The following TBC1D22A variants were observed in gnomAD, a reference collection of about 807,000 sequenced individuals.
TBC1D22A encodes TBC1 domain family member 22A.
Under a neutral mutation model 60.2 loss-of-function variants are expected in TBC1D22A, and 38 were observed. That is an observed-to-expected ratio of 0.63 (90% CI 0.49 to 0.83). TBC1D22A has a LOEUF of 0.83. Among genes scored for constraint, TBC1D22A ranks in the 40% least tolerant of loss-of-function variants. TBC1D22A has a pLI of 0.00. For synonymous variants in TBC1D22A, 302 were observed against 281.7 expected (o/e 1.07, Z -0.72); for missense variants, 628 against 701.0 (o/e 0.90, Z 1.18).
rs980410916 is a variant in TBC1D22A at position 47,025,756 on chromosome 22, C to T, written c.1202-11315C>T. 4.2e-4 allele frequency among the ~76,000 whole-genome samples: 64 copies of T among 151,852 alleles called. 1 individual carries two copies. The highest frequency in any genetic ancestry group is 1.2e-3 in the African/African-American group (48 of 41,368). On this transcript the variant is annotated intron_variant, in intron 10 of 12. Coordinates refer to ENST00000337137, the MANE Select transcript of TBC1D22A (RefSeq NM_014346.5). Reference sequence around the variant, plus strand: ...CGAAGAGGCTGTGCTTAGAGGGAAACGTATAGTATAGAGTGCGTGGCAATA... The same window carrying T: ...CGAAGAGGCTGTGCTTAGAGGGAAATGTATAGTATAGAGTGCGTGGCAATA...
chr22:47,004,967 C>T (rs2061534490), intron 10 of TBC1D22A, among the ~76,000 whole-genome samples: 1 of 151,820 alleles, frequency 6.6e-6, no homozygotes, highest in African/African-American at 2.4e-5. Flanking sequence ...TACATCTGTA[C>T]ACACCTGTCA....
intron 11 of TBC1D22A, among the ~76,000 whole-genome samples, chr22:47,081,060 C>T (rs575759008): frequency 8.8e-5 from 12 of 136,948 alleles, no homozygotes; most frequent in Admixed American, 2.6e-4. Flanking sequence ...GCGAAGGTTG[C>T]GGTGAGCCGA....
At chr22:47,103,232 G>A (rs1382503981) in intron 11 of TBC1D22A, among the ~76,000 whole-genome samples, 1 of 152,192 alleles carries the variant, frequency 6.6e-6, no homozygotes, top group Non-Finnish European at 1.5e-5. Context: ...GGATTAGAAT[G>A]AAGAAGGGGT....
chr22:46,975,035 C>T lies in TBC1D22A; in HGVS notation c.1125+636C>T, dbSNP rs145684828. 4.5e-4 allele frequency among the ~76,000 whole-genome samples: 68 copies of T among 152,276 alleles called. 2 individuals carry two copies. In the East Asian group the frequency reaches 0.013, roughly 29 times the overall value. The stretch of plus-strand genomic sequence containing the variant: ...TGTAGGGGCAGATTCCCACACAGTA[C>T]CTGGGAAGGACCTTGTTGGTAGGTG... On this transcript the variant is annotated intron_variant, in intron 9 of 12. Transcript: ENST00000337137.
At chr22:47,070,407 G>T (rs1290144064) in intron 11 of TBC1D22A, among the ~76,000 whole-genome samples, 2 of 137,386 alleles carry the variant, frequency 1.5e-5, no homozygotes, top group African/African-American at 5.6e-5. Context: ...CTGACCTGAC[G>T]GTTCCAGGTT....
intron 11 of TBC1D22A, among the ~76,000 whole-genome samples, chr22:47,070,643 C>A: frequency 6.7e-6 from 1 of 148,230 alleles, no homozygotes; most frequent in African/African-American, 2.5e-5. Context: ...GCGGGGCTGA[C>A]CTGACGGTTC....
chr22:46,926,049 G>C (rs1205071338), intron 8 of TBC1D22A, among the ~76,000 whole-genome samples: 1 of 152,170 alleles, frequency 6.6e-6, no homozygotes, highest in African/African-American at 2.4e-5. Flanking sequence ...AGACATTTTA[G>C]AACACACCCT....
At chr22:46,910,597 C>T (rs571349132) in intron 7 of TBC1D22A, among the ~76,000 whole-genome samples, 11 of 152,204 alleles carry the variant, frequency 7.2e-5, no homozygotes, top group African/African-American at 2.2e-4. Context: ...GCAGGCAGCC[C>T]GAAGGTCAGG....
intron 9 of TBC1D22A, among the ~76,000 whole-genome samples, chr22:46,977,582 T>G (rs956429714): frequency 1.3e-5 from 2 of 151,912 alleles, no homozygotes; most frequent in African/African-American, 4.8e-5. Flanking sequence ...CCTGGAAACG[T>G]TAGGTGATTG....
At chr22:47,050,230 C>T (rs1009528301) in intron 11 of TBC1D22A, among the ~76,000 whole-genome samples, 1 of 151,934 alleles carries the variant, frequency 6.6e-6, no homozygotes, top group African/African-American at 2.4e-5. Flanking sequence ...GTCTCAAACT[C>T]CTGACCTCAA....
chr22:46,832,991 G>C (rs2086375274), intron 4 of TBC1D22A, among the ~76,000 whole-genome samples: 1 of 152,208 alleles, frequency 6.6e-6, no homozygotes, highest in Admixed American at 6.5e-5. Flanking sequence ...GTCAGCAGAA[G>C]CCTGTAGAGC....
At chr22:46,985,648 C>T (rs2074694886) in intron 9 of TBC1D22A, among the ~76,000 whole-genome samples, 1 of 152,194 alleles carries the variant, frequency 6.6e-6, no homozygotes, top group Admixed American at 6.5e-5. Flanking sequence ...CACAGTTTAT[C>T]CATCCTCCTG....
At chr22:46,769,770 CTGTT>C (rs1349732837) in intron 1 of TBC1D22A, among the ~76,000 whole-genome samples, 1 of 152,114 alleles carries the variant, frequency 6.6e-6, no homozygotes, top group African/African-American at 2.4e-5. Flanking sequence ...TACTGTGACA[CTGTT>C]TGTCATCCTT....
intron 8 of TBC1D22A, among the ~76,000 whole-genome samples, chr22:46,926,936 G>A (rs1211601503): frequency 6.6e-6 from 1 of 152,068 alleles, no homozygotes; most frequent in East Asian, 1.9e-4. Flanking sequence ...TTATTAATTA[G>A]TATTAATTAT....
chr22:47,058,977 C>T lies in TBC1D22A; in HGVS notation c.1329+21779C>T, dbSNP rs139912097. On this transcript the variant is annotated intron_variant, in intron 11 of 12. Coordinates refer to ENST00000337137, the MANE Select transcript of TBC1D22A (RefSeq NM_014346.5). ...TGAAGAAGGACCAGTCATCATCACA[C>T]AAGAACTGCGGAGTGTCCAGGTCCT... Among the ~76,000 whole-genome samples the T allele has an allele frequency of 2.7e-4, 41 of 152,328 alleles. No individual in the cohort carries two copies. In the East Asian group the frequency reaches 6.0e-3, roughly 22 times the overall value.
intron 8 of TBC1D22A, among the ~76,000 whole-genome samples, chr22:46,926,628 A>G (rs1384159807): frequency 6.6e-6 from 1 of 152,186 alleles, no homozygotes; most frequent in African/African-American, 2.4e-5. Flanking sequence ...GACTTTGAGT[A>G]AAGCAGGTTA....
chr22:47,030,700 T>G (rs2062441560), intron 10 of TBC1D22A, among the ~76,000 whole-genome samples: 2 of 152,250 alleles, frequency 1.3e-5, no homozygotes, highest in Non-Finnish European at 2.9e-5. Flanking sequence ...AATGGAAATT[T>G]CAAATTCAGA....
In TBC1D22A at chr22:47,057,730, A is replaced by C. The variant is rs765702379; in HGVS notation, c.1329+20532A>C. Among the ~76,000 whole-genome samples, 35 of 152,314 alleles carry C rather than the reference A, an allele frequency of 2.3e-4. No homozygotes were observed. The Middle Eastern group carries it at 0.014, about 59-fold the overall frequency. On this transcript the variant is annotated intron_variant, in intron 11 of 12. Coordinates refer to ENST00000337137, the MANE Select transcript of TBC1D22A (RefSeq NM_014346.5). ...ATGAGACTTACTCACTATCGCGAGA[A>C]TAGCACAGGAAAACCATTCCCGTGA...
At chr22:47,137,753 C>T (rs1472862611) in intron 12 of TBC1D22A, among the ~76,000 whole-genome samples, 1 of 152,172 alleles carries the variant, frequency 6.6e-6, no homozygotes, top group Non-Finnish European at 1.5e-5. Flanking sequence ...GGAAAATCGT[C>T]ATGAAAATGG....
Sources: gnomAD v4.1 joint callset for allele counts (sites outside exome capture counted in the v4.1 genomes callset) on GRCh38, gnomAD v4.1.1 for gene constraint, MANE v1.5 for transcripts, NCBI Gene and HGNC (gene_info 2026-07-23, HGNC 2026-07-21) for gene names.